Variants in ARHGEF18 observed in about 807,000 individuals in gnomAD.
The protein encoded by ARHGEF18 is rho guanine nucleotide exchange factor 18.
A neutral mutation model predicts 155.7 loss-of-function variants in ARHGEF18; 93 were observed. The ratio of observed to expected loss-of-function variants is 0.60; its 90% CI spans 0.50 to 0.71. ARHGEF18 has a LOEUF of 0.71. ARHGEF18 is among the 30% of genes least tolerant of loss of function. The pLI is 0.00. For missense variants in ARHGEF18, 1,593 were observed against 1,816.1 expected (o/e 0.88, Z 2.23); for synonymous variants, 742 against 753.1 (o/e 0.99, Z 0.24).
intron 13 of ARHGEF18, among the ~76,000 whole-genome samples, chr19:7,442,703 G>A (rs1974739430): frequency 6.6e-6 from 1 of 152,206 alleles, no homozygotes. Flanking sequence ...TATATAGGCA[G>A]CTCTCATAGA....
At chr19:7,361,054 C>G (rs1969526975) in intron 1 of ARHGEF18, among the ~76,000 whole-genome samples, 1 of 152,194 alleles carries the variant, frequency 6.6e-6, no homozygotes, top group Admixed American at 6.5e-5. Context: ...CTGCCCCATC[C>G]AAAGCTCTGC....
At chr19:7,419,482 G>A (rs12981383) in intron 10 of ARHGEF18, among the ~76,000 whole-genome samples, 73,261 of 151,844 alleles carry the variant, frequency 0.48, 19,308 homozygotes, top group Middle Eastern at 0.7. Context: ...AGCCTGGGCA[G>A]CCCATCCCAC....
chr19:7,437,775 C>T (rs928818310), intron 10 of ARHGEF18, among the ~76,000 whole-genome samples: 7 of 151,402 alleles, frequency 4.6e-5, no homozygotes, highest in Non-Finnish European at 7.4e-5. Flanking sequence ...TCCCGAGTAG[C>T]TGGGATTACA....
chr19:7,465,945 G>A (rs1212803893), intron 23 of ARHGEF18, among the ~76,000 whole-genome samples: 2 of 151,926 alleles, frequency 1.3e-5, no homozygotes, highest in African/African-American at 4.8e-5. Flanking sequence ...TTAGCTGGAC[G>A]TGGTGGTGGA....
Position 7,464,427 on chromosome 19 carries a change from G to A in ARHGEF18, c.2774-133G>A, listed in dbSNP as rs1020712113. ...ACCAGCCTGCCCCTCTCCAGCAGGCGTCTGTGCTGCAGACGCCACCATTCG... is the reference window on the plus strand; with the variant it reads ...ACCAGCCTGCCCCTCTCCAGCAGGCATCTGTGCTGCAGACGCCACCATTCG... On this transcript the variant is annotated intron_variant, in intron 22 of 28. Coordinates refer to ENST00000668164, the MANE Select transcript of ARHGEF18 (RefSeq NM_001367823.1). The A allele has an allele frequency of 2.7e-6, 3 of 1,108,880 alleles. No individual in the cohort carries two copies. The African/African-American group carries it at 4.7e-5, about 17-fold the overall frequency. 68.7% of individuals were successfully genotyped at this position (1,108,880 alleles called of 1,614,324 possible). A position where few individuals can be genotyped will look rare whatever the true frequency, so the allele number is the denominator to read the frequency against.
In ARHGEF18 at chr19:7,376,736, G is replaced by A; in HGVS notation, c.520G>A (p.Val174Met). The A allele has an allele frequency of 4.9e-6, 6 of 1,234,452 alleles. No homozygotes were observed. The highest frequency in any genetic ancestry group is 6.1e-6 in the Non-Finnish European group (6 of 988,220). The allele number at this position is 1,234,452 out of a possible 1,614,324, so 76.5% of individuals were successfully genotyped here. ...TCCGGAAATCTCTCCGGGTTTGGAA[G>A]TGCCCACTCCACCTGTTCAAGGTAG... ...RSPEISPGLE[V>M]PTPPVQGLEP... Residue 174 changes from valine (V) to methionine (M), a missense_variant, in exon 5 of 29, where the codon GTG becomes ATG. Transcript: ENST00000668164.
the ARHGEF18 span, among the ~76,000 whole-genome samples, chr19:7,479,340 TG>T: frequency 6.6e-6 from 1 of 151,922 alleles, no homozygotes; most frequent in Non-Finnish European, 1.5e-5. Flanking sequence ...AAAAATTAGC[TG>T]GGGGTGGTGG....
Position 7,368,007 on chromosome 19 carries a change from G to A in ARHGEF18, c.16-4805G>A, listed in dbSNP as rs1195097994. Among the ~76,000 whole-genome samples, 24 of 89,250 alleles carry A rather than the reference G, an allele frequency of 2.7e-4. 3 individuals carry two copies. Among genetic ancestry groups the A allele is most frequent in the African/African-American group, 9.6e-4 (22 of 22,802 alleles). The allele number at this position is 89,250 out of a possible 152,430, so 58.6% of individuals were successfully genotyped here. ...AGAGAGAGAGAGAGAGAGAGGGAGG[G>A]AGGGAGGGAGGGCGGAAGGAAGGAA... On this transcript the variant is annotated intron_variant, in intron 2 of 28. Transcript: ENST00000668164.
At chr19:7,354,578 T>G (rs2145312444) in intron 1 of ARHGEF18, among the ~76,000 whole-genome samples, 1 of 152,076 alleles carries the variant, frequency 6.6e-6, no homozygotes, top group Non-Finnish European at 1.5e-5. Flanking sequence ...TGAGCACTCG[T>G]TGACACACAC....
At chr19:7,379,998 G>A (rs1188492836) in intron 7 of ARHGEF18, among the ~76,000 whole-genome samples, 2 of 128,476 alleles carry the variant, frequency 1.6e-5, no homozygotes, top group Non-Finnish European at 3.2e-5. Context: ...GACTCTGTCT[G>A]TATAATTTTT....
chr19:7,431,612 T>C (rs1973973693), intron 10 of ARHGEF18, among the ~76,000 whole-genome samples: 1 of 151,572 alleles, frequency 6.6e-6, no homozygotes, highest in African/African-American at 2.4e-5. Flanking sequence ...GGTCGGGAGT[T>C]TGAGACCAGC....
rs905595927 is a variant in ARHGEF18, at chr19:7,462,459, G to T, written c.2635+125G>T. ...CCCTGTCCAGGACAGGCTTCTATGT[G>T]GGGGGGGCCCAGGAGCAGCACTGAC... On this transcript the variant is annotated intron_variant, in intron 21 of 28. Transcript: ENST00000668164. The surrounding 1 kb of genome is among the most constrained non-coding windows in gnomAD (Gnocchi z 4.4). The T allele has an allele frequency of 2.0e-4, 14 of 71,384 alleles. No individual in the cohort carries two copies. Among genetic ancestry groups the T allele is most frequent in the Non-Finnish European group, 1.7e-4 (10 of 57,294 alleles). The allele number at this position is 71,384 out of a possible 1,614,324, so 4.4% of individuals were successfully genotyped here. A position where few individuals can be genotyped will look rare whatever the true frequency, so the allele number is the denominator to read the frequency against.
chr19:7,463,496 C>G lies in ARHGEF18; in HGVS notation c.2636-322C>G, dbSNP rs1418228496. On this transcript the variant is annotated intron_variant, in intron 21 of 28. Coordinates refer to ENST00000668164, the MANE Select transcript of ARHGEF18 (RefSeq NM_001367823.1). This position sits in a 1 kb window ranked among gnomAD's most constrained non-coding sequence, Gnocchi z 5.2. ...TGTTTCCTGCTGGCCCTGGGCAGGG[C>G]CACATCCAGCATTCGCCAGCCCCTG... Among the ~76,000 whole-genome samples, 1 of 152,202 alleles carries G rather than the reference C, an allele frequency of 6.6e-6. No homozygotes were observed. Among genetic ancestry groups the G allele is most frequent in the South Asian group, 2.1e-4 (1 of 4,836 alleles).
chr19:7,397,323 T>C (rs1031257470), intron 10 of ARHGEF18, among the ~76,000 whole-genome samples: 13 of 151,990 alleles, frequency 8.6e-5, no homozygotes, highest in African/African-American at 2.4e-5. Context: ...TGGAGTGCAA[T>C]AGCACAATCA....
chr19:7,371,709 T>C (rs1043321642), intron 2 of ARHGEF18, among the ~76,000 whole-genome samples: 1 of 151,616 alleles, frequency 6.6e-6, no homozygotes, highest in African/African-American at 2.4e-5. Flanking sequence ...TAATCCCAGC[T>C]ACTCAGGAGG....
At chr19:7,430,155 C>T (rs1973874811) in intron 10 of ARHGEF18, among the ~76,000 whole-genome samples, 1 of 152,068 alleles carries the variant, frequency 6.6e-6, no homozygotes, top group South Asian at 2.1e-4. Flanking sequence ...CTCAGGCTCC[C>T]ACATTGCACT....
At chr19:7,410,533 G>A (rs1182465494) in intron 10 of ARHGEF18, among the ~76,000 whole-genome samples, 3 of 152,024 alleles carry the variant, frequency 2.0e-5, no homozygotes, top group African/African-American at 7.2e-5. Context: ...CAGGGGCTGG[G>A]CATGGTGGTT....
At chr19:7,369,841 G>T (rs75476118) in intron 2 of ARHGEF18, among the ~76,000 whole-genome samples, 4,014 of 152,044 alleles carry the variant, frequency 0.026, 159 homozygotes, top group African/African-American at 0.09. Context: ...ACCTAAAATT[G>T]CCATGCAATT....
At chr19:7,450,954 C>G (rs77473451) in intron 15 of ARHGEF18, among the ~76,000 whole-genome samples, 195 bp from the exon 16 acceptor site, 1 of 198 alleles carries the variant, frequency 5.1e-3, no homozygotes, top group African/African-American at 0.042. Context: ...GATGTTAATG[C>G]GGGATCTTGC....
Sources: allele counts gnomAD v4.1 joint callset (sites outside exome capture counted in the v4.1 genomes callset), GRCh38; gene constraint gnomAD v4.1.1; non-coding constraint Gnocchi (gnomAD v3.1); transcripts MANE v1.5; gene names NCBI Gene and HGNC (gene_info 2026-07-23, HGNC 2026-07-21).